The following GFRA2 variants were observed in gnomAD, a reference collection of about 807,000 sequenced individuals.
GFRA2 encodes GDNF family receptor alpha 2, also known as GDNF family receptor alpha-2.
Under a neutral mutation model 48.3 loss-of-function variants are expected in GFRA2, and 17 were observed. The observed-to-expected ratio is 0.35, with a 90% CI of 0.24 to 0.53. GFRA2 has a LOEUF of 0.53. GFRA2 is among the 20% of genes least tolerant of loss of function. The probability of loss-of-function intolerance (pLI) is 0.93; values close to 1 mark genes in which losing one functional copy is unlikely to be tolerated. For synonymous variants in GFRA2, 305 were observed against 257.2 expected (o/e 1.19, Z -1.78); for missense variants, 660 against 637.3 (o/e 1.04, Z -0.38).
At chr8:21,757,624 T>C (rs1404310212) in intron 3 of GFRA2, among the ~76,000 whole-genome samples, 1 of 151,842 alleles carries the variant, frequency 6.6e-6, no homozygotes, top group Non-Finnish European at 1.5e-5. Context: ...CTCCTCAGAG[T>C]AGCTGGGATT....
At chr8:21,762,772 C>G (rs1418807922) in intron 3 of GFRA2, among the ~76,000 whole-genome samples, 1 of 152,006 alleles carries the variant, frequency 6.6e-6, no homozygotes, top group South Asian at 2.1e-4. Flanking sequence ...TTTTTTCAAC[C>G]GCTTTTGAGT....
intron 3 of GFRA2, among the ~76,000 whole-genome samples, chr8:21,757,433 A>G (rs1302991438): frequency 3.3e-5 from 5 of 151,242 alleles, no homozygotes; most frequent in Non-Finnish European, 4.4e-5. Context: ...TCAATTCCCT[A>G]TCTCGTTTTG....
intron 4 of GFRA2, among the ~76,000 whole-genome samples, chr8:21,731,826 T>G (rs1311173355): frequency 6.6e-6 from 1 of 152,228 alleles, no homozygotes; most frequent in Non-Finnish European, 1.5e-5. Context: ...CAAACTACAA[T>G]GACTCAAAAG....
At chr8:21,773,690 A>C (rs1234395989) in intron 3 of GFRA2, among the ~76,000 whole-genome samples, 2 of 152,222 alleles carry the variant, frequency 1.3e-5, no homozygotes, top group Non-Finnish European at 2.9e-5. Flanking sequence ...GAAAACAATA[A>C]TGGAAAAAAA....
intron 7 of GFRA2, among the ~76,000 whole-genome samples, chr8:21,696,302 C>G (rs1286512698): frequency 6.6e-6 from 1 of 151,508 alleles, no homozygotes; most frequent in Non-Finnish European, 1.5e-5. Context: ...GATCCTCACC[C>G]CCATCCACCA....
Position 21,692,623 on chromosome 8 carries a change from C to T in GFRA2, c.*655G>A, listed in dbSNP as rs1410525698. 1 of 152,226 alleles carries T rather than the reference C, an allele frequency of 6.6e-6. No individual in the cohort carries two copies. The highest frequency in any genetic ancestry group is 1.5e-5 in the Non-Finnish European group (1 of 68,074). 9.4% of individuals were successfully genotyped at this position (152,226 alleles called of 1,614,324 possible). A position where few individuals can be genotyped will look rare whatever the true frequency, so the allele number is the denominator to read the frequency against. On this transcript the variant is annotated 3_prime_UTR_variant, in exon 9 of 9. Coordinates refer to ENST00000524240, the MANE Select transcript of GFRA2 (RefSeq NM_001495.5). ...AGCTCTCAAGCCCTCCTGGAGCTGGCCCCCAGCCCCAACACTCCGTGCTAC... is the reference window on the plus strand; with the variant it reads ...AGCTCTCAAGCCCTCCTGGAGCTGGTCCCCAGCCCCAACACTCCGTGCTAC...
intron 4 of GFRA2, among the ~76,000 whole-genome samples, chr8:21,716,097 CG>C (rs1420309538): frequency 6.6e-6 from 1 of 152,062 alleles, no homozygotes; most frequent in East Asian, 1.9e-4. Flanking sequence ...CAGAGGCAGG[CG>C]GATTACTTGA....
chr8:21,763,383 A>G (rs181128159), intron 3 of GFRA2, among the ~76,000 whole-genome samples: 1 of 151,662 alleles, frequency 6.6e-6, no homozygotes, highest in East Asian at 1.9e-4. Context: ...AGCTGCCCCT[A>G]CTCCCCTGGA....
chr8:21,709,740 G>A (rs1380037903), intron 4 of GFRA2, among the ~76,000 whole-genome samples: 1 of 152,156 alleles, frequency 6.6e-6, no homozygotes, highest in Non-Finnish European at 1.5e-5. Flanking sequence ...CCCACCCAGT[G>A]CACAGGGAGC....
intron 4 of GFRA2, among the ~76,000 whole-genome samples, chr8:21,711,912 G>A (rs1423829312): frequency 6.6e-6 from 1 of 152,184 alleles, no homozygotes; most frequent in African/African-American, 2.4e-5. Context: ...TCAAGCATCT[G>A]TTTAACAAAG....
intron 4 of GFRA2, among the ~76,000 whole-genome samples, chr8:21,740,183 C>G (rs1299471794): frequency 6.6e-6 from 1 of 152,162 alleles, no homozygotes; most frequent in Non-Finnish European, 1.5e-5. Context: ...CAGGGTCACT[C>G]TCACTCTCCT....
chr8:21,786,994 TCA>T (rs1394752597), intron 1 of GFRA2, among the ~76,000 whole-genome samples: 14 of 150,028 alleles, frequency 9.3e-5, no homozygotes, highest in African/African-American at 3.2e-4. Flanking sequence ...ACAAACACAC[TCA>T]CACACACACA....
At chr8:21,801,651 C>T (rs1209594255) in intron 2 of GFRA2, among the ~76,000 whole-genome samples, 2 of 151,558 alleles carry the variant, frequency 1.3e-5, no homozygotes, top group African/African-American at 4.8e-5. Context: ...TATTGTGCTC[C>T]AGGCAGAGTG....
At chr8:21,810,337 G>A (rs543157184) in intron 1 of GFRA2, among the ~76,000 whole-genome samples, 1 of 152,254 alleles carries the variant, frequency 6.6e-6, no homozygotes, top group East Asian at 1.9e-4. Context: ...GCTTGGGGGA[G>A]GTCAGCCTCC....
chr8:21,776,783 T>G (rs1806728304), intron 2 of GFRA2, among the ~76,000 whole-genome samples: 1 of 152,030 alleles, frequency 6.6e-6, no homozygotes, highest in Non-Finnish European at 1.5e-5. Context: ...GACGCATTAT[T>G]TACGGCCCAT....
rs569334498 is a variant in GFRA2, at chr8:21,806,291, C to G, written c.-147-1163G>C. 2.6e-5 allele frequency among the ~76,000 whole-genome samples: 4 copies of G among 152,254 alleles called. No individual in the cohort carries two copies. In the South Asian group the frequency reaches 8.3e-4, roughly 32 times the overall value. ...GAAACTACTTCCAATATGCATGCAA[C>G]CATTCTGTTGTTCACTTCCAGAAGA... On this transcript the variant is annotated intron_variant, in intron 1 of 10. Transcript: ENST00000517328.
rs555882613 is a variant in GFRA2, at chr8:21,705,970, T to C, written c.866A>G (p.Asn289Ser). 2.5e-6 allele frequency: 4 copies of C among 1,577,324 alleles called. No individual in the cohort carries two copies. The highest frequency in any genetic ancestry group is 2.3e-5 in the South Asian group (2 of 85,566). Residue 289 changes from asparagine (N) to serine (S), a missense_variant, in exon 5 of 9, where the codon AAT (asparagine) becomes AGT (serine). Asn to Ser is a conservative substitution (Grantham distance 46). Transcript: ENST00000524240. ...YQTVTSCPAD[N>S]YQACLGSYAG... ...ATAAGAGCCCAGACACGCCTGGTAA[T>C]TGTCCGCAGGGCAGCTGGTGACCGT... is the stretch of plus-strand genomic sequence containing the variant.
At chr8:21,762,225 G>T (rs954741598) in intron 3 of GFRA2, among the ~76,000 whole-genome samples, 3 of 152,032 alleles carry the variant, frequency 2.0e-5, no homozygotes, top group African/African-American at 7.2e-5. Context: ...CAGGAGTGGG[G>T]GCCAGGAACA....
chr8:21,799,330 G>A (rs973806083), intron 2 of GFRA2, among the ~76,000 whole-genome samples: 59 of 151,528 alleles, frequency 3.9e-4, no homozygotes, highest in Middle Eastern at 3.4e-3. Flanking sequence ...CCATTCTCCT[G>A]TCTCAGCCTC....
Sources: gnomAD v4.1 joint callset for allele counts (sites outside exome capture counted in the v4.1 genomes callset) on GRCh38, gnomAD v4.1.1 for gene constraint, MANE v1.5 for transcripts, NCBI Gene and HGNC (gene_info 2026-07-23, HGNC 2026-07-21) for gene names.